The following ANKRD11 variants were observed in gnomAD, a reference collection of about 807,000 sequenced individuals.
ANKRD11 encodes ankyrin repeat domain-containing protein 11.
ANKRD11 carries 17 observed loss-of-function variants against 195.7 expected under a neutral mutation model. That is an observed-to-expected ratio of 0.09 (90% confidence interval 0.06 to 0.13). The LOEUF is 0.13. ANKRD11 is among the 10% of genes least tolerant of loss of function. The pLI is 1.00. For missense variants in ANKRD11, 3,735 were observed against 3,566.1 expected (o/e 1.05, Z -1.21); for synonymous variants, 1,953 against 1,528.1 (o/e 1.28, Z -6.49).
chr16:89,271,202 G>C (rs1351775925), intron 11 of ANKRD11: 1 of 468,958 alleles, frequency 2.1e-6, no homozygotes, highest in African/African-American at 2.0e-5. Flanking sequence ...CCAGGGGACA[G>C]TCAGAGCTCA....
intron 1 of ANKRD11, among the ~76,000 whole-genome samples, chr16:89,467,313 G>A (rs547935241): frequency 1.1e-4 from 16 of 151,820 alleles, no homozygotes; most frequent in African/African-American, 3.4e-4. Context: ...ATGGTGGCAC[G>A]CACCTGTAGT....
At chr16:89,377,840 G>T (rs2152096904) in intron 2 of ANKRD11, among the ~76,000 whole-genome samples, 1 of 152,130 alleles carries the variant, frequency 6.6e-6, no homozygotes, top group South Asian at 2.1e-4. Context: ...TGCCTCTCCT[G>T]CCTCCCCTTC....
chr16:89,407,984 C>A (rs1294993558), intron 2 of ANKRD11, among the ~76,000 whole-genome samples: 2 of 152,048 alleles, frequency 1.3e-5, no homozygotes, highest in African/African-American at 4.8e-5. Context: ...ACATCTATAG[C>A]GAAGTGTGGA....
intron 1 of ANKRD11, among the ~76,000 whole-genome samples, chr16:89,433,764 C>T (rs2043098958): frequency 6.6e-6 from 1 of 151,756 alleles, no homozygotes; most frequent in African/African-American, 2.4e-5. Context: ...CTGGGCACGC[C>T]ACCTTCACGA....
At chr16:89,429,825 C>T (rs1397407403) in intron 1 of ANKRD11, among the ~76,000 whole-genome samples, 1 of 58,262 alleles carries the variant, frequency 1.7e-5, no homozygotes, top group African/African-American at 7.2e-5. Context: ...CGCGCTCAGA[C>T]GTTCTAGTAC....
chr16:89,485,915 T>G (rs1179091270), intron 1 of ANKRD11, among the ~76,000 whole-genome samples: 1 of 152,132 alleles, frequency 6.6e-6, no homozygotes, highest in African/African-American at 2.4e-5. Flanking sequence ...CCAGACTGAT[T>G]TCAACCCATC....
Position 89,282,693 on chromosome 16 carries a change from C to A in ANKRD11, c.3849G>T (p.Lys1283Asn). The A allele has an allele frequency of 1.2e-5, 19 of 1,614,172 alleles. No homozygotes were observed. The highest frequency in any genetic ancestry group is 1.6e-5 in the Non-Finnish European group (19 of 1,180,040). Residue 1283 changes from lysine to asparagine, a missense_variant, in exon 9 of 13, where the codon AAG becomes AAT. Transcript: ENST00000301030. The part of the protein sequence containing the change: ...SADAEKSLLE[K>N]LEEEALHEYR... ...ACTCATGGAGAGCCTCTTCTTCCAA[C>A]TTTTCAAGCAGGCTTTTTTCCGCGT...
chr16:89,432,672 C>T (rs551486909), intron 1 of ANKRD11, among the ~76,000 whole-genome samples: 3 of 152,200 alleles, frequency 2.0e-5, no homozygotes, highest in South Asian at 2.1e-4. Context: ...CCACCATACC[C>T]GAGACCTTAC....
intron 1 of ANKRD11, among the ~76,000 whole-genome samples, chr16:89,437,822 C>G (rs75420613): frequency 1.3e-5 from 2 of 152,184 alleles, no homozygotes; most frequent in African/African-American, 2.4e-5. Flanking sequence ...ACCCACCCTC[C>G]AGGGCACCTC....
At chr16:89,416,791 AG>A (rs2042329851) in intron 2 of ANKRD11, among the ~76,000 whole-genome samples, 1 of 151,968 alleles carries the variant, frequency 6.6e-6, no homozygotes, top group Non-Finnish European at 1.5e-5. Context: ...AATTAAAAAA[AG>A]AAAATGCAGC....
intron 4 of ANKRD11, chr16:89,304,952 G>A (rs1477706017): frequency 3.0e-5 from 17 of 559,906 alleles, no homozygotes; most frequent in South Asian, 7.5e-5. Context: ...GACATGCACC[G>A]GGTGCATCTC....
rs1376769382 is a variant in ANKRD11, at chr16:89,284,800, G to A, written c.1742C>T (p.Ser581Phe). The change falls in exon 9 of 13, where the codon TCT becomes TTT. Residue 581 changes from serine to phenylalanine, a missense_variant. Ser to Phe is a radical substitution (Grantham distance 155, BLOSUM62 -2). Transcript: ENST00000301030. ...TRLTSESDYS[S>F]EGSSVESLKP... Reference sequence around the variant, plus strand: ...CAGCGATTCCACACTGGAGCCCTCAGAGGAGTAGTCAGACTCGCTTGTCAG... The same window carrying A: ...CAGCGATTCCACACTGGAGCCCTCAAAGGAGTAGTCAGACTCGCTTGTCAG... The A allele has an allele frequency of 1.7e-5, 27 of 1,613,614 alleles. No homozygotes were observed. Among genetic ancestry groups the A allele is most frequent in the Non-Finnish European group, 2.3e-5 (27 of 1,180,018 alleles).
chr16:89,308,601 T>C (rs1438543713), intron 3 of ANKRD11, among the ~76,000 whole-genome samples: 2 of 152,198 alleles, frequency 1.3e-5, no homozygotes, highest in East Asian at 1.9e-4. Context: ...AGACAGGCCC[T>C]GCAGACCCCA....
chr16:89,455,699 G>T (rs2152323469), intron 1 of ANKRD11, among the ~76,000 whole-genome samples: 1 of 152,266 alleles, frequency 6.6e-6, no homozygotes, highest in Middle Eastern at 3.4e-3. Context: ...CTTGGAGACA[G>T]CAGCCCCCAT....
rs1016708882 is a variant in ANKRD11, at chr16:89,443,873, G to A, written c.-144-25505C>T. 8.1e-4 allele frequency among the ~76,000 whole-genome samples: 123 copies of A among 152,210 alleles called. 2 individuals are homozygous for A. The highest frequency in any genetic ancestry group is 2.1e-4 in the Non-Finnish European group (14 of 68,044). ...AAGCCTGCTGGGAGGGCAGGGGCTT[G>A]TCTTGGAGGAAAGTGCCAACAAAGC... On this transcript the variant is annotated intron_variant, in intron 1 of 12. Coordinates refer to ENST00000301030, the MANE Select transcript of ANKRD11 (RefSeq NM_013275.6).
chr16:89,437,023 TC>T (rs1289818160), intron 1 of ANKRD11, among the ~76,000 whole-genome samples: 3 of 152,146 alleles, frequency 2.0e-5, no homozygotes, highest in Admixed American at 2.0e-4. Context: ...AGAACATTTG[TC>T]CCCAATATCC....
At chr16:89,398,404 T>C (rs7192019) in intron 2 of ANKRD11, among the ~76,000 whole-genome samples, 627 of 42,088 alleles carry the variant, frequency 0.015, 36 homozygotes, top group African/African-American at 0.053. Context: ...TTACCTGTGA[T>C]CTCAGCACTC....
intron 3 of ANKRD11, among the ~76,000 whole-genome samples, chr16:89,315,839 C>T (rs889101800): frequency 3.9e-5 from 6 of 152,150 alleles, no homozygotes; most frequent in Non-Finnish European, 8.8e-5. Flanking sequence ...TGGTTATGTT[C>T]GCGTGTGGAA....
chr16:89,398,465 C>T (rs114885372), intron 2 of ANKRD11, among the ~76,000 whole-genome samples: 3 of 145,792 alleles, frequency 2.1e-5, no homozygotes, highest in Admixed American at 6.6e-5. Context: ...TTACCTGTAA[C>T]CTCAGCACTC....
Sources: allele counts gnomAD v4.1 joint callset (sites outside exome capture counted in the v4.1 genomes callset), GRCh38; gene constraint gnomAD v4.1.1; transcripts MANE v1.5; gene names NCBI Gene and HGNC (gene_info 2026-07-23, HGNC 2026-07-21).